ATF6: variants seen among roughly 807,000 people sequenced by gnomAD.
ATF6 encodes cyclic AMP-dependent transcription factor ATF-6 alpha.
A neutral mutation model predicts 83.6 loss-of-function variants in ATF6; 53 were observed. The observed-to-expected ratio is 0.63, with a 90% confidence interval of 0.51 to 0.80. The LOEUF is 0.80. Ranked by LOEUF, ATF6 falls within the 30% of genes least tolerant of loss-of-function variation. ATF6 has a pLI of 0.00. For synonymous variants in ATF6, 288 were observed against 285.8 expected, an observed-to-expected ratio of 1.01 and a Z score of -0.08; for missense variants, 744 against 797.9, an observed-to-expected ratio of 0.93 and a Z score of 0.81.
chr1:161,812,371 C>CTTTTTTTTT (rs869240831), intron 7 of ATF6, among the ~76,000 whole-genome samples: 1 of 34,338 alleles, frequency 2.9e-5, no homozygotes, highest in Non-Finnish European at 5.6e-5. Context: ...CAGGTATTTT[C>CTTTTTTTTT]TTTTTTTTTT....
In ATF6 at chr1:161,853,249, G is replaced by A; in HGVS notation, c.1459G>A (p.Val487Ile). Residue 487 changes from valine to isoleucine, a missense_variant, in exon 12 of 16, where the codon GTT (valine) becomes ATT (isoleucine). Val to Ile is a conservative substitution (Grantham distance 29, BLOSUM62 3). Coordinates refer to ENST00000367942, the MANE Select transcript of ATF6 (RefSeq NM_007348.4). ...LRLNHELRGWVHRHEVERTKS... is the reference protein window; with the variant it reads ...LRLNHELRGWIHRHEVERTKS... ...GTTAAATCATGAACTTCGAGGATGG[G>A]TTCATAGACATGAAGTAGAAAGGAC... 6.2e-7 allele frequency: 1 copy of A among 1,612,682 alleles called. No individual in the cohort carries two copies. The highest frequency in any genetic ancestry group is 8.5e-7 in the Non-Finnish European group (1 of 1,178,828).
intron 9 of ATF6, among the ~76,000 whole-genome samples, chr1:161,830,067 A>T (rs1300987007): frequency 2.0e-5 from 3 of 152,218 alleles, no homozygotes; most frequent in Non-Finnish European, 4.4e-5. Flanking sequence ...TTAGCCCAAA[A>T]TCTCCTTAAG....
chr1:161,951,877 G>A (rs992869208), intron 15 of ATF6, among the ~76,000 whole-genome samples: 1 of 152,094 alleles, frequency 6.6e-6, no homozygotes, highest in African/African-American at 2.4e-5. Flanking sequence ...TCCATTTTGT[G>A]GTGTCTGTTT....
At chr1:161,941,292 CAAA>C (rs1333462413) in intron 15 of ATF6, among the ~76,000 whole-genome samples, 6 of 152,252 alleles carry the variant, frequency 3.9e-5, no homozygotes, top group South Asian at 4.1e-4. Flanking sequence ...CCTGATAGTG[CAAA>C]AACATGGTTG....
Position 161,778,316 on chromosome 1 carries a change from C to T in ATF6, c.155C>T (p.Thr52Met), listed in dbSNP as rs558458886. The T allele has an allele frequency of 8.1e-6, 13 of 1,611,342 alleles. No homozygotes were observed. The highest frequency in any genetic ancestry group is 4.5e-5 in the East Asian group (2 of 44,816). The change falls in exon 2 of 16, where the codon ACG (threonine) becomes ATG (methionine). Residue 52 changes from threonine (T) to methionine (M), a missense_variant. Transcript: ENST00000367942. ...CTGCAATTGGAAGCAGCAAATGAGACGTATGTAAGTATTTACTAAGGTTGA... is the reference window on the plus strand; with the variant it reads ...CTGCAATTGGAAGCAGCAAATGAGATGTATGTAAGTATTTACTAAGGTTGA... ...DELQLEAANE[T>M]YENNFDNLDF...
At chr1:161,787,209 A>T (rs558233442) in intron 4 of ATF6, among the ~76,000 whole-genome samples, 2 of 152,194 alleles carry the variant, frequency 1.3e-5, no homozygotes, top group Non-Finnish European at 2.9e-5. Context: ...TCTCTATGCC[A>T]TACATATTTT....
chr1:161,947,640 G>A (rs184868507), intron 15 of ATF6, among the ~76,000 whole-genome samples: 9 of 151,736 alleles, frequency 5.9e-5, no homozygotes, highest in African/African-American at 1.9e-4. Context: ...AATAATTTCT[G>A]AAAAAAAGAA....
At chr1:161,937,868 A>G (rs1439493576) in intron 15 of ATF6, among the ~76,000 whole-genome samples, 1 of 142,122 alleles carries the variant, frequency 7.0e-6, no homozygotes, top group African/African-American at 2.5e-5. Flanking sequence ...CTGCACATGT[A>G]TCCCAGAACT....
At chr1:161,769,471 C>T (rs1684337328) in intron 1 of ATF6, among the ~76,000 whole-genome samples, 1 of 152,070 alleles carries the variant, frequency 6.6e-6, no homozygotes, top group Non-Finnish European at 1.5e-5. Flanking sequence ...GGATCCCCAG[C>T]CTTTTGGCAC....
intron 1 of ATF6, among the ~76,000 whole-genome samples, chr1:161,776,957 T>C (rs1276848273): frequency 6.6e-6 from 1 of 152,170 alleles, no homozygotes; most frequent in Non-Finnish European, 1.5e-5. Context: ...GCAAGGTAGG[T>C]CAACCACTGA....
At chr1:161,808,032 A>G (rs1163022547) in intron 7 of ATF6, among the ~76,000 whole-genome samples, 1 of 151,256 alleles carries the variant, frequency 6.6e-6, no homozygotes, top group East Asian at 1.9e-4. Context: ...GCTATGTGCC[A>G]CCACACCCAG....
In ATF6 at chr1:161,868,350, G is replaced by A. The variant is rs144317758; in HGVS notation, c.1719+5038G>A. Among the ~76,000 whole-genome samples the A allele has an allele frequency of 3.4e-3, 515 of 152,238 alleles. 3 individuals are homozygous for A. The highest frequency in any genetic ancestry group is 0.012 in the African/African-American group (481 of 41,548). Reference sequence around the variant, plus strand: ...AAAATGACTTTGGCAGGCACTGGGAGCTTCATAAACTACTATACCACACAG... The same window carrying A: ...AAAATGACTTTGGCAGGCACTGGGAACTTCATAAACTACTATACCACACAG... On this transcript the variant is annotated intron_variant, in intron 14 of 15. Transcript: ENST00000367942.
chr1:161,940,051 A>G (rs1688614149), intron 15 of ATF6, among the ~76,000 whole-genome samples: 1 of 152,148 alleles, frequency 6.6e-6, no homozygotes, highest in Admixed American at 6.5e-5. Flanking sequence ...ATTCTCGAAC[A>G]CCTGCCTGTT....
chr1:161,874,754 A>G (rs1165957495), intron 14 of ATF6, among the ~76,000 whole-genome samples: 2 of 151,762 alleles, frequency 1.3e-5, no homozygotes, highest in Non-Finnish European at 3.0e-5. Context: ...TAGGAGCAAT[A>G]TGAACTAGAG....
At chr1:161,838,090 C>T (rs546869690) in intron 9 of ATF6, among the ~76,000 whole-genome samples, 3 of 152,242 alleles carry the variant, frequency 2.0e-5, no homozygotes, top group South Asian at 2.1e-4. Context: ...TAACTCTGCC[C>T]GTTTCCCTAA....
intron 9 of ATF6, among the ~76,000 whole-genome samples, chr1:161,835,974 G>C (rs983887771): frequency 6.6e-6 from 1 of 152,112 alleles, no homozygotes; most frequent in Non-Finnish European, 1.5e-5. Context: ...TTAATGCTGC[G>C]CCCTCACTAG....
intron 9 of ATF6, among the ~76,000 whole-genome samples, chr1:161,829,470 AC>A (rs1338985313): frequency 1.3e-5 from 2 of 152,008 alleles, no homozygotes; most frequent in African/African-American, 4.8e-5. Context: ...TCTCAGCACC[AC>A]ATCGCACTTA....
intron 15 of ATF6, among the ~76,000 whole-genome samples, chr1:161,927,216 G>C (rs10800109): frequency 6.6e-6 from 1 of 152,078 alleles, no homozygotes; most frequent in East Asian, 1.9e-4. Flanking sequence ...GGCTGATCCA[G>C]CCCAGCTACT....
Position 161,963,558 on chromosome 1 carries a change from G to A in ATF6, c.*4904G>A, listed in dbSNP as rs1331505479. 1 of 152,196 alleles carries A rather than the reference G, an allele frequency of 6.6e-6. No individual in the cohort carries two copies. Among genetic ancestry groups the A allele is most frequent in the African/African-American group, 2.4e-5 (1 of 41,458 alleles). The allele number at this position is 152,196 out of a possible 1,614,324, so 9.4% of individuals were successfully genotyped here. A position where few individuals can be genotyped will look rare whatever the true frequency, so the allele number is the denominator to read the frequency against. The stretch of plus-strand genomic sequence containing the variant: ...TGTGCTGTTTGCTCTCAATGAAGTT[G>A]AATAAACCAGGAGGCTTGGCATATC... On this transcript the variant is annotated 3_prime_UTR_variant, in exon 16 of 16. Transcript: ENST00000367942.
Sources: allele counts gnomAD v4.1 joint callset (sites outside exome capture counted in the v4.1 genomes callset), GRCh38; gene constraint gnomAD v4.1.1; transcripts MANE v1.5; gene names NCBI Gene and HGNC (gene_info 2026-07-23, HGNC 2026-07-21).